The following ANO10 variants were observed in gnomAD, a reference collection of about 807,000 sequenced individuals.
ANO10 encodes anoctamin 10, also known as anoctamin-10.
Under a neutral mutation model 74.7 loss-of-function variants are expected in ANO10, and 77 were observed. The observed-to-expected ratio is 1.03, with a 90% CI of 0.86 to 1.25. ANO10 has a LOEUF of 1.25. Among genes scored for constraint, ANO10 ranks in the 50% most tolerant of loss-of-function variants. ANO10 has a pLI of 0.00. For synonymous variants in ANO10, 279 were observed against 284.9 expected, an observed-to-expected ratio of 0.98 and a Z score of 0.21; for missense variants, 721 against 778.1, an observed-to-expected ratio of 0.93 and a Z score of 0.87.
intron 1 of ANO10, among the ~76,000 whole-genome samples, chr3:43,659,493 T>C (rs1432708885): frequency 6.6e-6 from 1 of 152,158 alleles, no homozygotes; most frequent in Middle Eastern, 3.2e-3. Flanking sequence ...ACACAGGAGC[T>C]TGGTGGGGGG....
intron 3 of ANO10, among the ~76,000 whole-genome samples, chr3:43,599,747 T>C (rs995481492): frequency 6.6e-6 from 1 of 151,758 alleles, no homozygotes; most frequent in Non-Finnish European, 1.5e-5. Context: ...CTATTAAAAA[T>C]ACAAAAAAAT....
intron 11 of ANO10, among the ~76,000 whole-genome samples, chr3:43,466,373 A>AG (rs2075616706): frequency 3.0e-5 from 2 of 66,478 alleles, no homozygotes; most frequent in African/African-American, 8.3e-5. Context: ...CCATCTCAAA[A>AG]AAAAAAAAAA....
At chr3:43,444,434 A>T (rs1272905769) in intron 11 of ANO10, among the ~76,000 whole-genome samples, 2 of 152,186 alleles carry the variant, frequency 1.3e-5, no homozygotes, top group African/African-American at 4.8e-5. Flanking sequence ...AATTATTTTG[A>T]TCACTTGACA....
At chr3:43,690,934 GC>G in intron 1 of ANO10, 1 of 1,528,164 alleles carries the variant, frequency 6.5e-7, no homozygotes, top group South Asian at 1.2e-5. Context: ...GCCCGGGGCG[GC>G]CCAGTCGGCC....
intron 1 of ANO10, among the ~76,000 whole-genome samples, chr3:43,613,441 A>G (rs2149520299): frequency 6.6e-6 from 1 of 152,332 alleles, no homozygotes; most frequent in East Asian, 1.9e-4. Flanking sequence ...AAGAACAATA[A>G]GAAGACTGGC....
chr3:43,594,509 C>T (rs1212532827), intron 4 of ANO10, among the ~76,000 whole-genome samples: 1 of 152,198 alleles, frequency 6.6e-6, no homozygotes, highest in Non-Finnish European at 1.5e-5. Context: ...TCCTGAATGA[C>T]TACTGGGTAC....
intron 4 of ANO10, among the ~76,000 whole-genome samples, chr3:43,590,333 C>T (rs1339872093): frequency 2.6e-5 from 4 of 151,830 alleles, no homozygotes; most frequent in Non-Finnish European, 4.4e-5. Context: ...GCAAGAAGGT[C>T]GAGAAAGATT....
chr3:43,390,969 G>A (rs1483351379), intron 12 of ANO10, among the ~76,000 whole-genome samples: 1 of 152,142 alleles, frequency 6.6e-6, no homozygotes, highest in Non-Finnish European at 1.5e-5. Context: ...TTTTAACTTT[G>A]ACATTATCTT....
chr3:43,397,433 C>A (rs79413262), intron 12 of ANO10, among the ~76,000 whole-genome samples: 2,432 of 152,148 alleles, frequency 0.016, 143 homozygotes, highest in Admixed American at 0.11. Context: ...TATTTATATT[C>A]CTGGGCTTTG....
At chr3:43,676,398 C>T (rs574308841) in intron 1 of ANO10, among the ~76,000 whole-genome samples, 6 of 152,024 alleles carry the variant, frequency 3.9e-5, no homozygotes, top group South Asian at 4.2e-4. Flanking sequence ...TGATCAAGGC[C>T]GTACTGAGCC....
intron 1 of ANO10, among the ~76,000 whole-genome samples, chr3:43,667,819 T>C (rs7622145): frequency 0.11 from 16,177 of 152,220 alleles, 1,248 homozygotes; most frequent in South Asian, 0.23. Flanking sequence ...ATATATACAC[T>C]GCATTTTCTT....
At chr3:43,505,485 T>G (rs2077261364) in intron 11 of ANO10, among the ~76,000 whole-genome samples, 2 of 152,214 alleles carry the variant, frequency 1.3e-5, no homozygotes, top group African/African-American at 4.8e-5. Flanking sequence ...TTTACTCAGG[T>G]ACCAGTGAAA....
intron 11 of ANO10, among the ~76,000 whole-genome samples, chr3:43,490,958 A>G (rs1257669343): frequency 6.6e-6 from 1 of 152,164 alleles, no homozygotes; most frequent in Non-Finnish European, 1.5e-5. Context: ...CAGCTTCCCG[A>G]TAAGATCTCA....
In ANO10 at chr3:43,588,667, A is replaced by C. The variant is rs142636406; in HGVS notation, c.473-8195T>G. 7.6e-4 allele frequency among the ~76,000 whole-genome samples: 115 copies of C among 152,316 alleles called. 1 individual carries two copies. The highest frequency in any genetic ancestry group is 2.7e-3 in the African/African-American group (111 of 41,576). ...GATACTGAAAGGGGCTGAAAGTAAAAGGCTGGGCAAAAACATTCTAACAGA... is the reference window on the plus strand; with the variant it reads ...GATACTGAAAGGGGCTGAAAGTAAACGGCTGGGCAAAAACATTCTAACAGA... On this transcript the variant is annotated intron_variant, in intron 4 of 12. Transcript: ENST00000292246.
At chr3:43,484,255 G>A (rs911192648) in intron 11 of ANO10, among the ~76,000 whole-genome samples, 5 of 152,134 alleles carry the variant, frequency 3.3e-5, no homozygotes, top group African/African-American at 9.7e-5. Flanking sequence ...CTGGGATTAT[G>A]GGTGTGAGCT....
chr3:43,608,350 C>T (rs1370710479), intron 1 of ANO10, among the ~76,000 whole-genome samples: 1 of 152,054 alleles, frequency 6.6e-6, no homozygotes. Context: ...TTCAAACATA[C>T]AAAAATTGAC....
intron 1 of ANO10, among the ~76,000 whole-genome samples, chr3:43,682,694 A>C (rs2084217273): frequency 6.6e-6 from 1 of 152,236 alleles, no homozygotes; most frequent in African/African-American, 2.4e-5. Flanking sequence ...AAATACTGGC[A>C]AACCGAATCC....
chr3:43,442,240 T>C (rs2093171040), intron 11 of ANO10, among the ~76,000 whole-genome samples: 1 of 152,034 alleles, frequency 6.6e-6, no homozygotes, highest in African/African-American at 2.4e-5. Flanking sequence ...TATATCTGTT[T>C]GTGGATTACA....
intron 11 of ANO10, among the ~76,000 whole-genome samples, chr3:43,491,108 A>T (rs2076703413): frequency 6.6e-6 from 1 of 152,106 alleles, no homozygotes; most frequent in Non-Finnish European, 1.5e-5. Context: ...CAGTAAACAC[A>T]CTGTGCATGC....
Sources: gnomAD v4.1 joint callset for allele counts (sites outside exome capture counted in the v4.1 genomes callset) on GRCh38, gnomAD v4.1.1 for gene constraint, MANE v1.5 for transcripts, NCBI Gene and HGNC (gene_info 2026-07-23, HGNC 2026-07-21) for gene names.